ARHGAP32: variants seen among roughly 807,000 people sequenced by gnomAD.
ARHGAP32 encodes rho GTPase-activating protein 32.
Under a neutral mutation model 186.5 loss-of-function variants are expected in ARHGAP32, and 51 were observed. The ratio of observed to expected loss-of-function variants is 0.27; its 90% CI spans 0.22 to 0.35. The LOEUF (loss-of-function observed/expected upper bound fraction) is 0.35, where lower values mean the gene tolerates loss of function less well. Ranked by LOEUF, ARHGAP32 falls within the 10% of genes least tolerant of loss-of-function variation. The pLI is 1.00. For synonymous variants in ARHGAP32, 950 were observed against 964.3 expected, an observed-to-expected ratio of 0.99 and a Z score of 0.27; for missense variants, 2,186 against 2,623.5, an observed-to-expected ratio of 0.83 and a Z score of 3.64.
At chr11:129,023,223 C>T (rs1938677903) in intron 11 of ARHGAP32, among the ~76,000 whole-genome samples, 2 of 152,108 alleles carry the variant, frequency 1.3e-5, no homozygotes, top group Admixed American at 1.3e-4. Context: ...ATACGGAACA[C>T]CACCTTAGTG....
At chr11:129,026,318 A>C (rs1328762658) in intron 11 of ARHGAP32, among the ~76,000 whole-genome samples, 2 of 152,214 alleles carry the variant, frequency 1.3e-5, no homozygotes, top group Non-Finnish European at 2.9e-5. Context: ...AATTGACTGA[A>C]AAGATGCTGT....
intron 1 of ARHGAP32, among the ~76,000 whole-genome samples, chr11:129,274,478 C>T (rs1319496340): frequency 6.6e-6 from 1 of 152,140 alleles, no homozygotes; most frequent in Non-Finnish European, 1.5e-5. Flanking sequence ...CCTGTCTCCT[C>T]TGGATCATCT....
intron 10 of ARHGAP32, among the ~76,000 whole-genome samples, chr11:129,047,368 T>A (rs921904915): frequency 6.6e-6 from 1 of 152,176 alleles, no homozygotes; most frequent in Admixed American, 6.5e-5. Context: ...AGTGTTGATA[T>A]TCTATAACAA....
intron 12 of ARHGAP32, among the ~76,000 whole-genome samples, chr11:128,995,225 GAGAC>G (rs1311131955): frequency 6.6e-6 from 1 of 151,866 alleles, no homozygotes; most frequent in Non-Finnish European, 1.5e-5. Flanking sequence ...TATTTATTTA[GAGAC>G]AGGGTTTTGC....
chr11:128,970,014 G>T lies in ARHGAP32; in HGVS notation c.5199C>A (p.Phe1733Leu), dbSNP rs1945316406. 2 of 1,614,182 alleles carry T rather than the reference G, an allele frequency of 1.2e-6. No homozygotes were observed. Among genetic ancestry groups the T allele is most frequent in the Non-Finnish European group, 1.7e-6 (2 of 1,180,048 alleles). Residue 1733 changes from phenylalanine to leucine, a missense_variant, in exon 23 of 23, where the codon TTC (phenylalanine) becomes TTA (leucine). Physicochemically the swap from Phe to Leu is conservative, Grantham distance 22. Coordinates refer to ENST00000682385, the MANE Select transcript of ARHGAP32 (RefSeq NM_001378024.1). The surrounding 1 kb of genome is among the most constrained non-coding windows in gnomAD (Gnocchi z 5.8). ...TGACTACATTATGGTCGTTGGGAGAGAAATAGCCAGTCACGTTGGCCCGGG... is the reference window on the plus strand; with the variant it reads ...TGACTACATTATGGTCGTTGGGAGATAAATAGCCAGTCACGTTGGCCCGGG... Reference protein sequence around the residue: ...PRPRANVTGYFSPNDHNVVSM... With the variant: ...PRPRANVTGYLSPNDHNVVSM...
At chr11:128,988,326 G>A (rs1399035669) in intron 12 of ARHGAP32, among the ~76,000 whole-genome samples, 1 of 152,130 alleles carries the variant, frequency 6.6e-6, no homozygotes, top group Non-Finnish European at 1.5e-5. Context: ...ACTAATTCCT[G>A]AATAATCAAG....
chr11:129,233,784 TA>T (rs1269448002), intron 1 of ARHGAP32, among the ~76,000 whole-genome samples: 2 of 152,110 alleles, frequency 1.3e-5, no homozygotes, highest in Non-Finnish European at 2.9e-5. Context: ...ATATACTTTT[TA>T]TATAAGGTTT....
At chr11:129,024,753 C>T (rs1350153486) in intron 11 of ARHGAP32, among the ~76,000 whole-genome samples, 1 of 152,192 alleles carries the variant, frequency 6.6e-6, no homozygotes, top group Admixed American at 6.5e-5. Context: ...CTCTCCTTCA[C>T]CCATGGAGTC....
At chr11:129,016,865 T>C (rs577475899) in intron 11 of ARHGAP32, among the ~76,000 whole-genome samples, 6 of 152,358 alleles carry the variant, frequency 3.9e-5, no homozygotes, top group Admixed American at 2.6e-4. Flanking sequence ...TCTCCACTTA[T>C]TTACAATTTG....
chr11:129,068,501 A>C lies in ARHGAP32; in HGVS notation c.532-1633T>G, dbSNP rs559034722. Among the ~76,000 whole-genome samples the C allele has an allele frequency of 1.2e-3, 184 of 152,220 alleles. 2 individuals carry two copies. Among genetic ancestry groups the C allele is most frequent in the Middle Eastern group, 3.4e-3 (1 of 294 alleles). On this transcript the variant is annotated intron_variant, in intron 6 of 22. Transcript: ENST00000682385. ...TTATTTCAAATTTGCCAAAGTGGTA[A>C]CACCAATTTATTCACCCAACAGTAG...
At chr11:129,030,683 C>G (rs1302415629) in intron 11 of ARHGAP32, 1 of 152,194 alleles carries the variant, frequency 6.6e-6, no homozygotes. Context: ...AAAGAAGCTC[C>G]TTCCCCCACC....
At chr11:129,197,033 G>A (rs1245869973), upstream of ARHGAP32, among the ~76,000 whole-genome samples, 1 of 152,074 alleles carries the variant, frequency 6.6e-6, no homozygotes, top group Admixed American at 6.6e-5. Flanking sequence ...CTTCAGCCTG[G>A]GTGACAGAGC....
At chr11:129,014,603 T>C (rs183637297) in intron 11 of ARHGAP32, among the ~76,000 whole-genome samples, 1 of 152,308 alleles carries the variant, frequency 6.6e-6, no homozygotes, top group African/African-American at 2.4e-5. Context: ...GGTAAAAAAT[T>C]CACAACGTCA....
At chr11:129,102,178 C>G (rs1215446743) in intron 5 of ARHGAP32, among the ~76,000 whole-genome samples, 2 of 152,130 alleles carry the variant, frequency 1.3e-5, no homozygotes, top group Non-Finnish European at 2.9e-5. Flanking sequence ...ACCAGACCTG[C>G]CTTACAAGAG....
At position 129,123,286 on chromosome 11, in the gene ARHGAP32, TAGAAG is replaced by T. The variant is rs1942577343; in HGVS notation, c.444+155_444+159del. 6.6e-6 allele frequency among the ~76,000 whole-genome samples: 1 copy of T among 151,432 alleles called. No homozygotes were observed. ...CAACGTGACATCAAGTATTTGTCAA[TAGAAG>T]AGAAGAAAGATTTTACCTCAACCAA... On this transcript the variant is annotated intron_variant, in intron 5 of 22. Coordinates refer to ENST00000682385, the MANE Select transcript of ARHGAP32 (RefSeq NM_001378024.1). This position sits in a 1 kb window ranked among gnomAD's most constrained non-coding sequence, Gnocchi z 4.6.
chr11:129,165,371 C>CTGA (rs1943614963), intron 1 of ARHGAP32, among the ~76,000 whole-genome samples: 1 of 151,706 alleles, frequency 6.6e-6, no homozygotes, highest in South Asian at 2.1e-4. Flanking sequence ...TGAAAAACCC[C>CTGA]TGAGCTCTTA....
At chr11:129,100,787 A>G (rs555280278) in intron 5 of ARHGAP32, among the ~76,000 whole-genome samples, 1 of 152,162 alleles carries the variant, frequency 6.6e-6, no homozygotes, top group African/African-American at 2.4e-5. Context: ...CTCCCAAGCC[A>G]ACACCACCTC....
At chr11:129,218,395 T>G (rs1360003770) in intron 1 of ARHGAP32, among the ~76,000 whole-genome samples, 3 of 151,996 alleles carry the variant, frequency 2.0e-5, no homozygotes, top group Non-Finnish European at 2.9e-5. Flanking sequence ...TCAAGTTCTT[T>G]AGAGAGATGG....
intron 11 of ARHGAP32, among the ~76,000 whole-genome samples, chr11:129,009,502 C>G (rs140343672): frequency 6.6e-6 from 1 of 152,138 alleles, no homozygotes; most frequent in East Asian, 1.9e-4. Context: ...GTAACTATCT[C>G]GACAAGCTCC....
Sources: gnomAD v4.1 joint callset for allele counts (sites outside exome capture counted in the v4.1 genomes callset) on GRCh38, gnomAD v4.1.1 for gene constraint, Gnocchi (gnomAD v3.1) non-coding constraint, MANE v1.5 for transcripts, NCBI Gene and HGNC (gene_info 2026-07-23, HGNC 2026-07-21) for gene names.